The following BST1 variants were observed in gnomAD, a reference collection of about 807,000 sequenced individuals.
BST1 encodes the protein ADP-ribosyl cyclase/cyclic ADP-ribose hydrolase 2.
BST1 carries 49 observed loss-of-function variants against 40.6 expected under a neutral mutation model. That is an observed-to-expected ratio of 1.21 (90% CI 0.96 to 1.53). The LOEUF is 1.53. BST1 is among the 40% of genes most tolerant of loss of function. BST1 has a pLI of 0.00. For synonymous variants in BST1, 157 were observed against 159.3 expected, an observed-to-expected ratio of 0.99 and a Z score of 0.11; for missense variants, 423 against 395.9, an observed-to-expected ratio of 1.07 and a Z score of -0.58.
At chr4:15,765,248 G>A in the BST1 span, among the ~76,000 whole-genome samples, 1 of 151,988 alleles carries the variant, frequency 6.6e-6, no homozygotes, top group Non-Finnish European at 1.5e-5. Context: ...AGTTGCTCAA[G>A]CCAAAAATCT....
the BST1 span, among the ~76,000 whole-genome samples, chr4:15,746,958 A>G: frequency 1.3e-5 from 2 of 152,226 alleles, no homozygotes; most frequent in African/African-American, 4.8e-5. Flanking sequence ...TGATCAAGCC[A>G]TCAGAAGATC....
At chr4:15,772,553 C>G in the BST1 span, among the ~76,000 whole-genome samples, 12 of 152,316 alleles carry the variant, frequency 7.9e-5, 1 homozygote, top group East Asian at 2.3e-3. Flanking sequence ...GAGGAGGGGA[C>G]ACCCAGAAGA....
intron 8 of BST1, among the ~76,000 whole-genome samples, chr4:15,729,448 C>A (rs908530185): frequency 7.9e-5 from 12 of 151,990 alleles, no homozygotes; most frequent in African/African-American, 2.7e-4. Context: ...CAGAATGAGA[C>A]CCTGTCTCAA....
downstream of BST1, among the ~76,000 whole-genome samples, chr4:15,734,103 G>A (rs1721479405): frequency 6.6e-6 from 1 of 152,188 alleles, no homozygotes; most frequent in African/African-American, 2.4e-5. Flanking sequence ...GCCACCAACT[G>A]TATGATTCTA....
chr4:15,715,613 TC>T, intron 5 of BST1, 93 bp from the exon 6 acceptor site: 1 of 975,340 alleles, frequency 1.0e-6, no homozygotes, highest in East Asian at 2.7e-5. Context: ...TTCTAAAAGC[TC>T]TTTATTTTTT....
At chr4:15,707,189 T>C (rs912791995) in intron 2 of BST1, among the ~76,000 whole-genome samples, 1 of 152,190 alleles carries the variant, frequency 6.6e-6, no homozygotes, top group African/African-American at 2.4e-5. Flanking sequence ...ATTACATATC[T>C]AATACATGAC....
downstream of BST1, among the ~76,000 whole-genome samples, chr4:15,733,699 C>A (rs373369673): frequency 1.3e-5 from 2 of 152,140 alleles, no homozygotes; most frequent in African/African-American, 4.8e-5. Context: ...GGAGGTGCTA[C>A]ATGCTTTCAA....
the BST1 span, among the ~76,000 whole-genome samples, chr4:15,771,909 T>C: frequency 1.3e-5 from 2 of 152,224 alleles, no homozygotes; most frequent in African/African-American, 4.8e-5. Context: ...AAGCAACCTG[T>C]GCTGGTGTTT....
the BST1 span, among the ~76,000 whole-genome samples, chr4:15,746,680 A>G: frequency 6.6e-6 from 1 of 152,218 alleles, no homozygotes; most frequent in Non-Finnish European, 1.5e-5. Context: ...TGGAGGGAAC[A>G]TTCAAACCAT....
downstream of BST1, among the ~76,000 whole-genome samples, chr4:15,741,814 G>T (rs879743243): frequency 1.3e-5 from 2 of 152,270 alleles, no homozygotes; most frequent in Middle Eastern, 3.4e-3. Flanking sequence ...TGCATGGCCC[G>T]CAAAGCGAAA....
intron 1 of BST1, among the ~76,000 whole-genome samples, chr4:15,704,149 T>G (rs1577562453): frequency 9.0e-6 from 1 of 110,714 alleles, no homozygotes; most frequent in Non-Finnish European, 1.8e-5. Flanking sequence ...GGTCTAGAGG[T>G]GAGGGATGTG....
the BST1 span, among the ~76,000 whole-genome samples, chr4:15,771,522 G>T: frequency 2.7e-4 from 41 of 152,192 alleles, no homozygotes; most frequent in African/African-American, 9.2e-4. Flanking sequence ...TTTCTCAAGT[G>T]TTTATTACAT....
the BST1 span, among the ~76,000 whole-genome samples, chr4:15,758,877 A>G: frequency 2.6e-5 from 4 of 151,404 alleles, no homozygotes; most frequent in Non-Finnish European, 4.4e-5. Context: ...ATGAAACAGA[A>G]CAAAACATTT....
Position 15,709,288 on chromosome 4 carries a change from A to C in BST1, c.451+1642A>C, listed in dbSNP as rs1577570335. On this transcript the variant is annotated intron_variant, in intron 3 of 8. Transcript: ENST00000265016. ...GAGCATTTTCTGATGGGAGAACAGCAATTGCAAAGGCCCTGAGGTGGGAGC... is the reference window on the plus strand; with the variant it reads ...GAGCATTTTCTGATGGGAGAACAGCCATTGCAAAGGCCCTGAGGTGGGAGC... Among the ~76,000 whole-genome samples, 4 of 152,340 alleles carry C rather than the reference A, an allele frequency of 2.6e-5. No homozygotes were observed. The South Asian group carries it at 8.3e-4, about 32-fold the overall frequency.
At chr4:15,750,028 T>G in the BST1 span, among the ~76,000 whole-genome samples, 299 of 151,822 alleles carry the variant, frequency 2.0e-3, no homozygotes, top group Middle Eastern at 6.8e-3. Flanking sequence ...CCTTCTACCT[T>G]TTATGTCCAT....
the BST1 span, among the ~76,000 whole-genome samples, chr4:15,767,236 G>A: frequency 6.2e-4 from 95 of 152,260 alleles, 1 homozygote; most frequent in South Asian, 0.018. Flanking sequence ...TGGGGGTGCC[G>A]AGGGAAATGT....
intron 3 of BST1, among the ~76,000 whole-genome samples, chr4:15,711,274 C>G (rs1452115527): frequency 6.6e-6 from 1 of 152,122 alleles, no homozygotes; most frequent in Non-Finnish European, 1.5e-5. Context: ...GGTCTTTAGT[C>G]TGTCCTTAAA....
chr4:15,767,467 C>T, the BST1 span, among the ~76,000 whole-genome samples: 1 of 152,030 alleles, frequency 6.6e-6, no homozygotes, highest in Non-Finnish European at 1.5e-5. Flanking sequence ...CCACACCCAG[C>T]TAATTTTTTG....
the BST1 span, among the ~76,000 whole-genome samples, chr4:15,752,017 G>A: frequency 6.6e-6 from 1 of 152,128 alleles, no homozygotes; most frequent in Admixed American, 6.6e-5. Flanking sequence ...TGCACTGAAA[G>A]CAAAGGAAAA....
Sources: gnomAD v4.1 joint callset for allele counts (sites outside exome capture counted in the v4.1 genomes callset) on GRCh38, gnomAD v4.1.1 for gene constraint, MANE v1.5 for transcripts, NCBI Gene and HGNC (gene_info 2026-07-23, HGNC 2026-07-21) for gene names.